ICA1: variants seen among roughly 807,000 people sequenced by gnomAD.
ICA1 encodes 69 kDa islet cell autoantigen.
A neutral mutation model predicts 71.0 loss-of-function variants in ICA1; 40 were observed. The observed-to-expected ratio is 0.56, with a 90% CI of 0.44 to 0.73. ICA1 has a LOEUF of 0.73. ICA1 is among the 30% of genes least tolerant of loss of function. The probability of loss-of-function intolerance (pLI) is 0.00; values close to 1 mark genes in which losing one functional copy is unlikely to be tolerated. For missense variants in ICA1, 578 were observed against 576.5 expected (o/e 1.00, Z -0.03); for synonymous variants, 207 against 209.5 (o/e 0.99, Z 0.10).
At chr7:8,156,604 T>C in intron 8 of ICA1, 1 of 393,038 alleles carries the variant, frequency 2.5e-6, no homozygotes, top group Middle Eastern at 7.0e-4. Context: ...AATTAGAAAA[T>C]ATTGCTGTAG....
At chr7:8,257,311 C>G (rs1205202524) in intron 1 of ICA1, among the ~76,000 whole-genome samples, 1 of 152,180 alleles carries the variant, frequency 6.6e-6, no homozygotes, top group Non-Finnish European at 1.5e-5. Flanking sequence ...ACAGAGAAGA[C>G]CGGATTTTCC....
In ICA1 at chr7:8,226,324, T is replaced by C. The variant is rs561305805; in HGVS notation, c.256+2277A>G. Among the ~76,000 whole-genome samples, 29 of 152,246 alleles carry C rather than the reference T, an allele frequency of 1.9e-4. No homozygotes were observed. Among genetic ancestry groups the C allele is most frequent in the African/African-American group, 6.3e-4 (26 of 41,528 alleles). The stretch of plus-strand genomic sequence containing the variant: ...TCCTTCCTAAATTTCCTTTGCACAA[T>C]GAGCAGGCTTGCTCTCTAGATATAG... On this transcript the variant is annotated intron_variant, in intron 4 of 13. Coordinates refer to ENST00000402384, the MANE Select transcript of ICA1 (RefSeq NM_001136020.3). This position sits in a 1 kb window ranked among gnomAD's most constrained non-coding sequence, Gnocchi z 4.4.
At chr7:8,256,887 A>C (rs564069547) in intron 1 of ICA1, among the ~76,000 whole-genome samples, 1 of 152,234 alleles carries the variant, frequency 6.6e-6, no homozygotes, top group East Asian at 1.9e-4. Flanking sequence ...TGAAGCACTT[A>C]ACATCATTAT....
In ICA1 at chr7:8,123,981, G is replaced by T. The variant is rs1788032817; in HGVS notation, c.1330+3892C>A. ...ACGGATAATAGTAGCTGGCTGGGAA[G>T]GGTACGGTGAGGATTAAAATTCATC... On this transcript the variant is annotated intron_variant, in intron 13 of 13. Transcript: ENST00000402384. This position sits in a 1 kb window ranked among gnomAD's most constrained non-coding sequence, Gnocchi z 4.1. 6.6e-6 allele frequency among the ~76,000 whole-genome samples: 1 copy of T among 152,242 alleles called. No homozygotes were observed. Among genetic ancestry groups the T allele is most frequent in the Non-Finnish European group, 1.5e-5 (1 of 68,044 alleles).
chr7:8,183,063 G>A (rs1584985601), intron 6 of ICA1, among the ~76,000 whole-genome samples: 1 of 152,122 alleles, frequency 6.6e-6, no homozygotes, highest in Non-Finnish European at 1.5e-5. Context: ...AAAGACTCCA[G>A]AATAACAGAC....
At chr7:8,252,271 T>C (rs951187904) in intron 1 of ICA1, among the ~76,000 whole-genome samples, 24 of 152,306 alleles carry the variant, frequency 1.6e-4, no homozygotes, top group African/African-American at 5.8e-4. Context: ...AACACCCTAA[T>C]CAGATAAAAG....
chr7:8,200,331 A>G (rs1383464134), intron 6 of ICA1, among the ~76,000 whole-genome samples: 1 of 104,024 alleles, frequency 9.6e-6, no homozygotes, highest in Non-Finnish European at 1.8e-5. Context: ...CCTTTAGCAC[A>G]GTTGAGCAAA....
chr7:8,228,717 G>C (rs1799385131), intron 3 of ICA1, 44 bp from the exon 4 acceptor site: 1 of 1,330,044 alleles, frequency 7.5e-7, no homozygotes, highest in Non-Finnish European at 1.1e-6. Context: ...AACAGACAGT[G>C]GTGAGATAAA....
intron 1 of ICA1, among the ~76,000 whole-genome samples, chr7:8,252,782 T>A (rs1045529585): frequency 1.2e-4 from 18 of 151,804 alleles, no homozygotes; most frequent in South Asian, 8.3e-4. Context: ...ATTTTTTGCT[T>A]ATTTATTACT....
rs1156936233 is a variant in ICA1, at chr7:8,132,302, T to C, written c.1061-4160A>G. 6.6e-6 allele frequency among the ~76,000 whole-genome samples: 1 copy of C among 152,144 alleles called. No homozygotes were observed. On this transcript the variant is annotated intron_variant, in intron 12 of 13. Transcript: ENST00000402384. The surrounding 1 kb of genome is among the most constrained non-coding windows in gnomAD (Gnocchi z 4.5). The stretch of plus-strand genomic sequence containing the variant: ...CCTTTAGTCTTTCATTTTCCAATGC[T>C]TCCTTCCCCTAGCCGCAGGAGATGT...
chr7:8,240,846 G>C (rs952436691), intron 1 of ICA1, among the ~76,000 whole-genome samples: 2 of 152,122 alleles, frequency 1.3e-5, no homozygotes, highest in South Asian at 2.1e-4. Flanking sequence ...GAAATAAAGC[G>C]AGAAGAAAAG....
At chr7:8,224,316 G>T (rs1797976134) in intron 4 of ICA1, among the ~76,000 whole-genome samples, 1 of 152,176 alleles carries the variant, frequency 6.6e-6, no homozygotes, top group Admixed American at 6.6e-5. Context: ...GGCCTTGGGA[G>T]TTTGGTGGAC....
At chr7:8,206,733 G>GAAAA (rs60704635) in intron 6 of ICA1, among the ~76,000 whole-genome samples, 149 of 135,526 alleles carry the variant, frequency 1.1e-3, no homozygotes, top group African/African-American at 2.4e-3. Context: ...GGTTTAAAAT[G>GAAAA]AAAAAAAAAA....
chr7:8,145,748 G>GTA (rs920747747), intron 8 of ICA1, among the ~76,000 whole-genome samples: 15 of 141,236 alleles, frequency 1.1e-4, no homozygotes, highest in Non-Finnish European at 2.3e-4. Flanking sequence ...GAATCATTGT[G>GTA]TATATATATA....
intron 12 of ICA1, among the ~76,000 whole-genome samples, chr7:8,133,576 A>G (rs1562579262): frequency 6.6e-6 from 1 of 152,326 alleles, no homozygotes; most frequent in East Asian, 1.9e-4. Context: ...ATTCTGTTTT[A>G]TAAGCAACAG....
intron 6 of ICA1, among the ~76,000 whole-genome samples, chr7:8,207,148 A>G (rs1323797664): frequency 6.6e-6 from 1 of 152,232 alleles, no homozygotes; most frequent in Non-Finnish European, 1.5e-5. Flanking sequence ...CTAAATGACA[A>G]TGGTTGTCTC....
intron 6 of ICA1, among the ~76,000 whole-genome samples, chr7:8,200,338 C>CAAA (rs34371233): frequency 0.016 from 1,067 of 67,674 alleles, 106 homozygotes; most frequent in East Asian, 0.034. Context: ...CACAGTTGAG[C>CAAA]AAAAAAAAAA....
chr7:8,206,962 G>A (rs1011123826), intron 6 of ICA1, among the ~76,000 whole-genome samples: 2 of 152,072 alleles, frequency 1.3e-5, no homozygotes, highest in South Asian at 4.1e-4. Flanking sequence ...AACTATTTTT[G>A]CTTGTAAGCA....
chr7:8,169,633 G>C (rs1562809264), intron 6 of ICA1, among the ~76,000 whole-genome samples: 2 of 151,678 alleles, frequency 1.3e-5, no homozygotes, highest in Admixed American at 1.3e-4. Context: ...TATCTTATTT[G>C]CCACATATAT....
Sources: allele counts gnomAD v4.1 joint callset (sites outside exome capture counted in the v4.1 genomes callset), GRCh38; gene constraint gnomAD v4.1.1; non-coding constraint Gnocchi (gnomAD v3.1); transcripts MANE v1.5; gene names NCBI Gene and HGNC (gene_info 2026-07-23, HGNC 2026-07-21).